AMPD3: variants seen among roughly 807,000 people sequenced by gnomAD.
AMPD3 encodes adenosine monophosphate deaminase 3.
AMPD3 carries 57 observed loss-of-function variants against 82.3 expected under a neutral mutation model. The ratio of observed to expected loss-of-function variants is 0.69; its 90% CI spans 0.56 to 0.86. The LOEUF is 0.86. Among genes scored for constraint, AMPD3 ranks in the 40% least tolerant of loss-of-function variants. The pLI is 0.00. For missense variants in AMPD3, 870 were observed against 1,003.8 expected (o/e 0.87, Z 1.80); for synonymous variants, 381 against 394.7 (o/e 0.97, Z 0.41).
intron 6 of AMPD3, among the ~76,000 whole-genome samples, chr11:10,488,902 G>T (rs933247875): frequency 5.3e-5 from 8 of 152,142 alleles, no homozygotes; most frequent in African/African-American, 1.9e-4. Flanking sequence ...CTGGCTGGGA[G>T]CATATCAGCA....
Position 10,455,264 on chromosome 11 carries a change from A to C in AMPD3, c.-190A>C. On this transcript the variant is annotated 5_prime_UTR_variant, in exon 1 of 15. Coordinates refer to ENST00000396553, the MANE Select transcript of AMPD3 (RefSeq NM_001025389.2). ...CTATGTGTCTGTTCTGAGCCTTCCC[A>C]CTCTCCTAAAGGGCAGATGAAGATC... 1.0e-6 allele frequency: 1 copy of C among 985,100 alleles called. No individual in the cohort carries two copies. Among genetic ancestry groups the C allele is most frequent in the Non-Finnish European group, 1.2e-6 (1 of 829,892 alleles). 61.0% of individuals were successfully genotyped at this position (985,100 alleles called of 1,614,324 possible).
chr11:10,483,790 G>A (rs11042842), intron 4 of AMPD3, among the ~76,000 whole-genome samples: 8,627 of 152,318 alleles, frequency 0.057, 427 homozygotes, highest in South Asian at 0.23. Context: ...TTCCTTCCAA[G>A]CACAGATGGA....
chr11:10,461,798 G>A, intron 2 of AMPD3, 58 bp downstream of exon 2: 3 of 1,512,434 alleles, frequency 2.0e-6, no homozygotes, highest in Non-Finnish European at 2.7e-6. Context: ...CAGGCAGGCT[G>A]TGGGTGTGTG....
chr11:10,458,311 C>G (rs1243876158), intron 1 of AMPD3, among the ~76,000 whole-genome samples: 1 of 129,598 alleles, frequency 7.7e-6, no homozygotes, highest in East Asian at 2.2e-4. Context: ...CTCCCTCCCT[C>G]CCTTCGGCAA....
In AMPD3 at chr11:10,456,143, T is replaced by G; in HGVS notation, c.-6+695T>G. 7.3e-7 allele frequency: 1 copy of G among 1,375,296 alleles called. No homozygotes were observed. Among genetic ancestry groups the G allele is most frequent in the Non-Finnish European group, 9.4e-7 (1 of 1,065,384 alleles). The allele number at this position is 1,375,296 out of a possible 1,614,324, so 85.2% of individuals were successfully genotyped here. A position where few individuals can be genotyped will look rare whatever the true frequency, so the allele number is the denominator to read the frequency against. On this transcript the variant is annotated intron_variant, in intron 1 of 14. Transcript: ENST00000396553. This position sits in a 1 kb window ranked among gnomAD's most constrained non-coding sequence, Gnocchi z 4.3. ...TTTGTTTTGGATAACTGGGATTACC[T>G]GGGGACTTCAGGGCTCTTGGAAATT... is the stretch of plus-strand genomic sequence containing the variant.
intron 14 of AMPD3, 36 bp from the exon 15 acceptor site, chr11:10,505,672 G>A: frequency 6.2e-7 from 1 of 1,608,774 alleles, no homozygotes. Flanking sequence ...TGAATCAAAA[G>A]TATATAGTTT....
chr11:10,455,413 C>G lies in AMPD3; in HGVS notation c.-41C>G, dbSNP rs933091148. ...GGAGTGGCAGAGTCCAGCCAGCGCT[C>G]GGAGCTGGAGGCCCACGTGGGAGCA... On this transcript the variant is annotated 5_prime_UTR_variant, in exon 1 of 15. Coordinates refer to ENST00000396553, the MANE Select transcript of AMPD3 (RefSeq NM_001025389.2). 4 of 982,040 alleles carry G rather than the reference C, an allele frequency of 4.1e-6. No individual in the cohort carries two copies. The highest frequency in any genetic ancestry group is 2.3e-4 in the East Asian group (2 of 8,518). 60.8% of individuals were successfully genotyped at this position (982,040 alleles called of 1,614,324 possible). A position where few individuals can be genotyped will look rare whatever the true frequency, so the allele number is the denominator to read the frequency against.
At chr11:10,504,811 T>C in intron 14 of AMPD3, 152 bp downstream of exon 14, 1 of 779,292 alleles carries the variant, frequency 1.3e-6, no homozygotes, top group Non-Finnish European at 2.2e-6. Context: ...GGCAGCCTCC[T>C]GTGTTTTCAT....
At position 10,502,888 on chromosome 11, in the gene AMPD3, C is replaced by T. The variant is rs754843165; in HGVS notation, c.2010C>T (p.Tyr670=). ...LSTDDPMQFH[Y]TKEALMEEYA... ...CCGATGACCCCATGCAGTTCCACTA[C>T]ACGAAGGTAAGGACTTTGGGGTGAG... Residue 670 remains tyrosine (Y), a synonymous_variant, in exon 13 of 15, where the codon TAC becomes TAT. Coordinates refer to ENST00000396553, the MANE Select transcript of AMPD3 (RefSeq NM_001025389.2). 4.3e-6 allele frequency: 7 copies of T among 1,614,148 alleles called. No homozygotes were observed. The South Asian group carries it at 4.4e-5, about 10-fold the overall frequency.
intron 12 of AMPD3, chr11:10,501,977 A>G: frequency 1.0e-6 from 1 of 985,368 alleles, no homozygotes; most frequent in Non-Finnish European, 1.2e-6. Context: ...GCAACGTAAT[A>G]TCTATGCTCC....
chr11:10,502,662 C>T (rs1464055092), intron 12 of AMPD3, 59 bp from the exon 13 acceptor site: 3 of 1,603,486 alleles, frequency 1.9e-6, no homozygotes, highest in Non-Finnish European at 1.7e-6. Flanking sequence ...TTTCTCCCTT[C>T]CCTTTTCCCT....
At chr11:10,493,842 A>G (rs1849312982) in intron 7 of AMPD3, 2 of 496,626 alleles carry the variant, frequency 4.0e-6, no homozygotes, top group Non-Finnish European at 7.3e-6. Flanking sequence ...TGCCTATAAA[A>G]TGGTGACAGC....
chr11:10,460,059 T>C (rs1848217180), intron 1 of AMPD3, among the ~76,000 whole-genome samples: 1 of 144,948 alleles, frequency 6.9e-6, no homozygotes, highest in Admixed American at 7.0e-5. Flanking sequence ...TTATATATAA[T>C]ATATATTATA....
intron 2 of AMPD3, among the ~76,000 whole-genome samples, chr11:10,468,139 G>A (rs1430189038): frequency 6.6e-6 from 1 of 152,160 alleles, no homozygotes; most frequent in African/African-American, 2.4e-5. Context: ...CTAGCATCAT[G>A]ATGACAGGAT....
At chr11:10,461,323 C>T (rs1390600572) in intron 1 of AMPD3, 192 bp from the exon 2 acceptor site, 1 of 1,577,054 alleles carries the variant, frequency 6.3e-7, no homozygotes, top group Non-Finnish European at 8.6e-7. Flanking sequence ...CTAAGTGGCC[C>T]TACATGCTTC....
chr11:10,475,968 T>C (rs908600802), intron 2 of AMPD3, among the ~76,000 whole-genome samples: 1 of 152,190 alleles, frequency 6.6e-6, no homozygotes, highest in African/African-American at 2.4e-5. Flanking sequence ...ACATCTTGAT[T>C]TTGGCCTCTT....
intron 5 of AMPD3, among the ~76,000 whole-genome samples, chr11:10,485,541 G>A (rs963347190): frequency 6.6e-6 from 1 of 152,086 alleles, no homozygotes; most frequent in Non-Finnish European, 1.5e-5. Context: ...CACTGTGACC[G>A]GCCTCCCTGT....
rs763911433 is a variant in AMPD3, at chr11:10,478,640, G to A, written c.336G>A (p.Val112=). 2 of 1,614,232 alleles carry A rather than the reference G, an allele frequency of 1.2e-6. No homozygotes were observed. Among genetic ancestry groups the A allele is most frequent in the East Asian group, 4.5e-5 (2 of 44,884 alleles). The part of the protein sequence containing the change: ...ASPAMSPTTP[V]VTGATSLPTP... ...CGGCCATGTCTCCCACAACCCCTGT[G>A]GTCACTGGAGCCACTTCCCTGCCCA... Residue 112 remains valine (V), a synonymous_variant, in exon 3 of 15, where the codon GTG becomes GTA. Coordinates refer to ENST00000396553, the MANE Select transcript of AMPD3 (RefSeq NM_001025389.2).
At chr11:10,453,678 T>C (rs982529605), upstream of AMPD3, among the ~76,000 whole-genome samples, 1 of 152,036 alleles carries the variant, frequency 6.6e-6, no homozygotes, top group Non-Finnish European at 1.5e-5. Context: ...AACTTCTGCC[T>C]CCTGGGTTCA....
Sources: allele counts gnomAD v4.1 joint callset (sites outside exome capture counted in the v4.1 genomes callset), GRCh38; gene constraint gnomAD v4.1.1; non-coding constraint Gnocchi (gnomAD v3.1); transcripts MANE v1.5; gene names NCBI Gene and HGNC (gene_info 2026-07-23, HGNC 2026-07-21).